FAF1: variants seen among roughly 807,000 people sequenced by gnomAD.
FAF1 encodes the protein FAS-associated factor 1.
Under a neutral mutation model 92.5 loss-of-function variants are expected in FAF1, and 25 were observed. The observed-to-expected ratio is 0.27, with a 90% CI of 0.20 to 0.38. The LOEUF (loss-of-function observed/expected upper bound fraction) is 0.38, where lower values mean the gene tolerates loss of function less well. FAF1 is among the 10% of genes least tolerant of loss of function. FAF1 has a pLI of 1.00. For missense variants in FAF1, 636 were observed against 793.3 expected (o/e 0.80, Z 2.38); for synonymous variants, 234 against 273.2 (o/e 0.86, Z 1.42).
intron 8 of FAF1, among the ~76,000 whole-genome samples, chr1:50,615,137 G>A (rs1652853856): frequency 1.3e-5 from 2 of 152,150 alleles, no homozygotes; most frequent in Admixed American, 1.3e-4. Flanking sequence ...AACACACAGT[G>A]TTTGGTTGTC....
In FAF1 at chr1:50,952,253, G is replaced by A. The variant is rs577753348; in HGVS notation, c.45+7514C>T. Among the ~76,000 whole-genome samples, 1,278 of 152,268 alleles carry A rather than the reference G, an allele frequency of 8.4e-3. 20 individuals carry two copies. The highest frequency in any genetic ancestry group is 0.028 in the African/African-American group (1,181 of 41,560). ...CTGCCGAGTGCCTGGGATTGCAGGCGCGCGCCGCCACGCCTGACTGGTTTT... is the reference window on the plus strand; with the variant it reads ...CTGCCGAGTGCCTGGGATTGCAGGCACGCGCCGCCACGCCTGACTGGTTTT... On this transcript the variant is annotated intron_variant, in intron 1 of 18. Coordinates refer to ENST00000396153, the MANE Select transcript of FAF1 (RefSeq NM_007051.3).
At chr1:50,566,026 ATTCT>A (rs1380892791) in intron 13 of FAF1, among the ~76,000 whole-genome samples, 4 of 152,088 alleles carry the variant, frequency 2.6e-5, no homozygotes, top group Admixed American at 6.5e-5. Context: ...GGTGCTAAAG[ATTCT>A]TTATTTATGT....
intron 17 of FAF1, among the ~76,000 whole-genome samples, chr1:50,480,886 G>A (rs1036848180): frequency 2.0e-5 from 3 of 152,194 alleles, no homozygotes; most frequent in African/African-American, 4.8e-5. Flanking sequence ...TGACAGCTCC[G>A]TGTGTGTTAC....
chr1:50,959,770 A>C lies in FAF1; in HGVS notation c.42T>G (p.Phe14Leu). 1 of 1,601,364 alleles carries C rather than the reference A, an allele frequency of 6.2e-7. No individual in the cohort carries two copies. Among genetic ancestry groups the C allele is most frequent in the Non-Finnish European group, 8.5e-7 (1 of 1,173,476 alleles). ...NMDREMILAD[F>L]QACTGIENID... ...GGAAGAGGGCCAGATACTTCACCTG[A>C]AAATCCGCCAGGATCATCTCCCGGT... Residue 14 changes from phenylalanine to leucine, a missense_variant, in exon 1 of 19, where the codon TTT becomes TTG. Around this residue, in one of 2 missense-constraint regions of FAF1, gnomAD observed 317 missense variants for 342.4 expected, o/e 0.93. Transcript: ENST00000396153.
chr1:50,452,100 T>C, intron 18 of FAF1: 1 of 1,345,402 alleles, frequency 7.4e-7, no homozygotes. Context: ...AAACAGGAGA[T>C]GATCCAAGTC....
At chr1:50,756,492 T>C (rs1265733429) in intron 4 of FAF1, among the ~76,000 whole-genome samples, 1 of 152,212 alleles carries the variant, frequency 6.6e-6, no homozygotes, top group Non-Finnish European at 1.5e-5. Flanking sequence ...TTTTTCTGTC[T>C]TCTTCATAGC....
Position 50,701,434 on chromosome 1 carries a change from C to G in FAF1, c.657+4352G>C, listed in dbSNP as rs562308489. 1.6e-3 allele frequency among the ~76,000 whole-genome samples: 243 copies of G among 152,072 alleles called. 2 individuals carry two copies. Among genetic ancestry groups the G allele is most frequent in the Non-Finnish European group, 2.5e-3 (173 of 67,928 alleles). ...AACACCCAATACTTTAAAACATTTA[C>G]AGAAAGGCCATGTTAGTTAAGGAGT... On this transcript the variant is annotated intron_variant, in intron 7 of 18. Coordinates refer to ENST00000396153, the MANE Select transcript of FAF1 (RefSeq NM_007051.3).
chr1:50,797,626 G>C (rs578049458), intron 3 of FAF1, among the ~76,000 whole-genome samples: 2 of 152,252 alleles, frequency 1.3e-5, no homozygotes, highest in Admixed American at 6.5e-5. Flanking sequence ...TTCAGTCCAG[G>C]AAGTCGAGGC....
chr1:50,604,397 A>C lies in FAF1; in HGVS notation c.745-8181T>G, dbSNP rs545701020. ...TAAGGGTCTAATCCTCTCACTTAAC[A>C]GGAAAAGAAACTGAGGTATAGAGAG... On this transcript the variant is annotated intron_variant, in intron 8 of 18. Transcript: ENST00000396153. 4.9e-4 allele frequency among the ~76,000 whole-genome samples: 74 copies of C among 152,372 alleles called. 1 individual carries two copies. The highest frequency in any genetic ancestry group is 1.7e-3 in the African/African-American group (70 of 41,596).
intron 3 of FAF1, among the ~76,000 whole-genome samples, chr1:50,792,814 G>A (rs1174906232): frequency 6.6e-6 from 1 of 152,144 alleles, no homozygotes; most frequent in African/African-American, 2.4e-5. Flanking sequence ...TCCTGAACAA[G>A]CTAATCAGAT....
intron 1 of FAF1, among the ~76,000 whole-genome samples, chr1:50,949,754 CAATT>C (rs1035576469): frequency 1.7e-4 from 26 of 152,194 alleles, no homozygotes; most frequent in Non-Finnish European, 3.7e-4. Flanking sequence ...ATCTGAATTA[CAATT>C]GATTGTCCTC....
chr1:50,530,612 A>T (rs1237941058), intron 15 of FAF1, among the ~76,000 whole-genome samples: 1 of 152,314 alleles, frequency 6.6e-6, no homozygotes, highest in South Asian at 2.1e-4. Context: ...ACTTAATTGT[A>T]TATTTTAAAA....
At chr1:50,836,728 T>C (rs1447781843) in intron 2 of FAF1, among the ~76,000 whole-genome samples, 1 of 152,140 alleles carries the variant, frequency 6.6e-6, no homozygotes, top group East Asian at 1.9e-4. Context: ...AATTATTATG[T>C]GTCAATTAAA....
intron 6 of FAF1, among the ~76,000 whole-genome samples, chr1:50,710,182 T>G (rs865901046): frequency 6.6e-6 from 1 of 152,216 alleles, no homozygotes; most frequent in Non-Finnish European, 1.5e-5. Flanking sequence ...TTTAATATTT[T>G]TAGTGCTTGC....
chr1:50,738,317 C>T (rs1659220745), intron 6 of FAF1, among the ~76,000 whole-genome samples: 1 of 151,958 alleles, frequency 6.6e-6, no homozygotes, highest in African/African-American at 2.4e-5. Flanking sequence ...GTGGCACATG[C>T]CTATAATCCC....
chr1:50,465,103 CAGAA>C lies in FAF1; in HGVS notation c.1869+10357_1869+10360del, dbSNP rs151034059. ...TTTCCAGGTTAACAGTGAGATATAACAGAAAGAATCACTACCGTCACATTTAAGT... is the reference window on the plus strand; with the variant it reads ...TTTCCAGGTTAACAGTGAGATATAACAGAATCACTACCGTCACATTTAAGT... On this transcript the variant is annotated intron_variant, in intron 18 of 18. Coordinates refer to ENST00000396153, the MANE Select transcript of FAF1 (RefSeq NM_007051.3). 9.8e-3 allele frequency among the ~76,000 whole-genome samples: 1,496 copies of C among 152,304 alleles called. 23 individuals are homozygous for C. The highest frequency in any genetic ancestry group is 0.034 in the African/African-American group (1,422 of 41,566).
At chr1:50,823,033 CA>C (rs1644059917) in intron 2 of FAF1, among the ~76,000 whole-genome samples, 1 of 152,074 alleles carries the variant, frequency 6.6e-6, no homozygotes, top group Non-Finnish European at 1.5e-5. Flanking sequence ...CTCGGCCTCC[CA>C]AAGTGTTGGG....
chr1:50,609,426 C>A (rs1033726324), intron 8 of FAF1, among the ~76,000 whole-genome samples: 1 of 152,136 alleles, frequency 6.6e-6, no homozygotes, highest in African/African-American at 2.4e-5. Context: ...ACTCTGTCAC[C>A]CAGGCTGGAG....
intron 4 of FAF1, among the ~76,000 whole-genome samples, chr1:50,775,618 G>C (rs759540579): frequency 2.6e-5 from 4 of 152,046 alleles, no homozygotes. Flanking sequence ...GGCACATGAG[G>C]AGATGCGTGT....
Sources: gnomAD v4.1 joint callset for allele counts (sites outside exome capture counted in the v4.1 genomes callset) on GRCh38, gnomAD v4.1.1 for gene constraint, gnomAD v4.1.1 regional missense constraint, MANE v1.5 for transcripts, NCBI Gene and HGNC (gene_info 2026-07-23, HGNC 2026-07-21) for gene names.